ZNF487: variants seen among roughly 807,000 people sequenced by gnomAD.
The protein encoded by ZNF487 is KRAB domain only 1.
Under a neutral mutation model 3.0 loss-of-function variants are expected in ZNF487, and 4 were observed. The ratio of observed to expected loss-of-function variants is 1.35; its 90% CI spans 0.66 to 3.08. The LOEUF is 3.08. Ranked by LOEUF, ZNF487 falls within the 30% of genes most tolerant of loss-of-function variation. The pLI is 0.01. For missense variants in ZNF487, 146 were observed against 98.7 expected, an observed-to-expected ratio of 1.48 and a Z score of -2.03; for synonymous variants, 55 against 34.6, an observed-to-expected ratio of 1.59 and a Z score of -2.06.
downstream of ZNF487, among the ~76,000 whole-genome samples, chr10:43,484,642 A>G (rs749192046): frequency 3.3e-4 from 50 of 152,278 alleles, no homozygotes; most frequent in Admixed American, 1.2e-3. Context: ...ATTCCTTTGC[A>G]TAGCTGAAAC....
chr10:43,474,669 A>G (rs1357375036), intron 1 of ZNF487, among the ~76,000 whole-genome samples: 1 of 151,138 alleles, frequency 6.6e-6, no homozygotes, highest in Non-Finnish European at 1.5e-5. Context: ...TGCAACCTCC[A>G]CCTCCCAGGT....
chr10:43,479,176 C>G (rs1235456014), intron 3 of ZNF487, among the ~76,000 whole-genome samples: 1 of 149,798 alleles, frequency 6.7e-6, no homozygotes, highest in Non-Finnish European at 1.5e-5. Context: ...GTTGCTCAGA[C>G]TGGTCTTGAA....
upstream of ZNF487, chr10:43,436,898 A>G (rs1482707452): frequency 2.1e-6 from 1 of 469,182 alleles, no homozygotes; most frequent in Admixed American, 2.4e-5. Context: ...TTTCGTGGGG[A>G]AGCCGGACTG....
downstream of ZNF487, among the ~76,000 whole-genome samples, chr10:43,485,209 A>G (rs999767991): frequency 5.3e-5 from 8 of 152,138 alleles, no homozygotes; most frequent in African/African-American, 1.7e-4. Flanking sequence ...TTTATTTATA[A>G]TGCAATGTAT....
chr10:43,512,609 C>G, the ZNF487 span, among the ~76,000 whole-genome samples: 1 of 152,176 alleles, frequency 6.6e-6, no homozygotes, highest in Non-Finnish European at 1.5e-5. Context: ...CGTGATTCAC[C>G]TATGGGGGCC....
intron 3 of ZNF487, among the ~76,000 whole-genome samples, chr10:43,477,521 A>C (rs1200950696): frequency 1.3e-5 from 2 of 152,094 alleles, no homozygotes; most frequent in African/African-American, 4.8e-5. Context: ...TGTTAAGACG[A>C]AATAATGTTG....
At chr10:43,522,689 G>C in the ZNF487 span, among the ~76,000 whole-genome samples, 3,183 of 152,170 alleles carry the variant, frequency 0.021, 125 homozygotes, top group African/African-American at 0.072. Flanking sequence ...AGCCAAGATT[G>C]TGCCATTGCA....
intron 1 of ZNF487, among the ~76,000 whole-genome samples, chr10:43,474,736 C>T (rs906004215): frequency 1.1e-4 from 17 of 151,806 alleles, no homozygotes; most frequent in Non-Finnish European, 1.5e-5. Flanking sequence ...GTGCGCACCA[C>T]CAAGCTTGAC....
the ZNF487 span, among the ~76,000 whole-genome samples, chr10:43,493,349 C>G: frequency 6.6e-6 from 1 of 152,090 alleles, no homozygotes; most frequent in Non-Finnish European, 1.5e-5. Context: ...CCTCCAACAC[C>G]TGTGGAAACC....
the ZNF487 span, among the ~76,000 whole-genome samples, chr10:43,512,796 A>G: frequency 1.3e-5 from 2 of 152,192 alleles, no homozygotes; most frequent in Non-Finnish European, 2.9e-5. Context: ...CACTTGATAA[A>G]TGGGCTGGAG....
chr10:43,456,674 G>T (rs1840215718), intron 1 of ZNF487, among the ~76,000 whole-genome samples: 1 of 151,888 alleles, frequency 6.6e-6, no homozygotes, highest in African/African-American at 2.4e-5. Context: ...TCTGCCTCCC[G>T]GGTTCAAGCG....
At chr10:43,439,154 A>C (rs1165657704) in intron 1 of ZNF487, among the ~76,000 whole-genome samples, 1 of 152,010 alleles carries the variant, frequency 6.6e-6, no homozygotes, top group Non-Finnish European at 1.5e-5. Context: ...AGGCAGAAGA[A>C]TTGCTTGAAT....
chr10:43,508,770 T>G, the ZNF487 span, among the ~76,000 whole-genome samples: 2 of 151,656 alleles, frequency 1.3e-5, no homozygotes. Flanking sequence ...CGTTTGAACC[T>G]GGGAGGCGGA....
downstream of ZNF487, among the ~76,000 whole-genome samples, chr10:43,486,734 A>G (rs1159490849): frequency 6.6e-6 from 1 of 152,230 alleles, no homozygotes; most frequent in Non-Finnish European, 1.5e-5. Context: ...TTATATAGCC[A>G]AATACAAAAG....
chr10:43,498,087 A>T, the ZNF487 span, among the ~76,000 whole-genome samples: 1 of 13,414 alleles, frequency 7.5e-5, no homozygotes, highest in Non-Finnish European at 1.2e-4. Flanking sequence ...ATATATATAT[A>T]TATATATATA....
chr10:43,495,415 T>C, the ZNF487 span, among the ~76,000 whole-genome samples: 1 of 152,064 alleles, frequency 6.6e-6, no homozygotes, highest in South Asian at 2.1e-4. Flanking sequence ...AGCTAATTTT[T>C]GTAGTTTTAG....
At chr10:43,466,159 G>T (rs1448031578) in intron 1 of ZNF487, among the ~76,000 whole-genome samples, 2 of 151,126 alleles carry the variant, frequency 1.3e-5, no homozygotes, top group Non-Finnish European at 3.0e-5. Context: ...CTTCGGCTCG[G>T]CATCAGAGGG....
intron 1 of ZNF487, among the ~76,000 whole-genome samples, chr10:43,441,667 A>G (rs1250331939): frequency 6.6e-6 from 1 of 151,608 alleles, no homozygotes; most frequent in Non-Finnish European, 1.5e-5. Context: ...GCTCACTGCA[A>G]CGTCTGCCTC....
At chr10:43,489,067 G>A in the ZNF487 span, among the ~76,000 whole-genome samples, 2 of 152,084 alleles carry the variant, frequency 1.3e-5, no homozygotes, top group African/African-American at 2.4e-5. Context: ...CAGTGATCAC[G>A]CCAGCCCAGG....
Sources: gnomAD v4.1 joint callset for allele counts (sites outside exome capture counted in the v4.1 genomes callset) on GRCh38, gnomAD v4.1.1 for gene constraint, MANE v1.5 for transcripts, NCBI Gene and HGNC (gene_info 2026-07-23, HGNC 2026-07-21) for gene names.